Variants in CNNM4 observed in about 807,000 individuals in gnomAD.
CNNM4 encodes cyclin and CBS domain divalent metal cation transport mediator 4, also known as metal transporter CNNM4.
In CNNM4, 32 loss-of-function variants were observed where a neutral mutation model predicts 53.7. The ratio of observed to expected loss-of-function variants is 0.60; its 90% CI spans 0.45 to 0.80. CNNM4 has a LOEUF of 0.80. CNNM4 is among the 30% of genes least tolerant of loss of function. The pLI is 0.00. For synonymous variants in CNNM4, 410 were observed against 440.0 expected (o/e 0.93, Z 0.85); for missense variants, 784 against 1,022.0 (o/e 0.77, Z 3.17).
rs772270872 is a variant in CNNM4, at chr2:96,762,417, G to C, written c.1402+16G>C. The stretch of plus-strand genomic sequence containing the variant: ...TTCAAGAAGGGTAAGGCCAGATGTA[G>C]TTCCCCTGGTTCAATTTCCTCTTGA... On this transcript the variant is annotated intron_variant, in intron 1 of 6. Coordinates refer to ENST00000377075, the MANE Select transcript of CNNM4 (RefSeq NM_020184.4). 6.2e-7 allele frequency: 1 copy of C among 1,610,524 alleles called. No homozygotes were observed. The highest frequency in any genetic ancestry group is 2.2e-5 in the East Asian group (1 of 44,860).
intron 1 of CNNM4, among the ~76,000 whole-genome samples, chr2:96,778,593 T>A (rs2078946412): frequency 6.6e-6 from 1 of 151,936 alleles, no homozygotes; most frequent in African/African-American, 2.4e-5. Context: ...GTATCTTTTT[T>A]TTGTAGCTAT....
At chr2:96,771,763 C>T (rs1004771022) in intron 1 of CNNM4, among the ~76,000 whole-genome samples, 2 of 151,826 alleles carry the variant, frequency 1.3e-5, no homozygotes, top group Admixed American at 6.6e-5. Context: ...CTTTTTGGAA[C>T]ACAGTTTAGA....
intron 1 of CNNM4, among the ~76,000 whole-genome samples, chr2:96,796,578 A>G (rs2079106521): frequency 6.6e-6 from 1 of 152,070 alleles, no homozygotes; most frequent in Non-Finnish European, 1.5e-5. Flanking sequence ...CTTGAGCAAC[A>G]TAGCGAGATC....
intron 1 of CNNM4, among the ~76,000 whole-genome samples, chr2:96,763,179 C>T (rs2078781877): frequency 6.6e-6 from 1 of 152,146 alleles, no homozygotes; most frequent in South Asian, 2.1e-4. Context: ...CGTAAGCTTC[C>T]CTCCAGTGGT....
At chr2:96,791,588 C>CAAAA (rs56887981) in intron 1 of CNNM4, among the ~76,000 whole-genome samples, 2 of 120,086 alleles carry the variant, frequency 1.7e-5, no homozygotes, top group African/African-American at 3.1e-5. Context: ...GACTCCGTCT[C>CAAAA]AAAAAAAAAA....
chr2:96,778,415 G>A (rs2078944641), intron 1 of CNNM4, among the ~76,000 whole-genome samples: 1 of 151,306 alleles, frequency 6.6e-6, no homozygotes, highest in Non-Finnish European at 1.5e-5. Context: ...AAAATTAGCT[G>A]GGCATGGTGG....
chr2:96,784,419 G>T (rs767791156), intron 1 of CNNM4, among the ~76,000 whole-genome samples: 5 of 152,218 alleles, frequency 3.3e-5, no homozygotes, highest in Non-Finnish European at 5.9e-5. Flanking sequence ...AAGAAAGGCT[G>T]GTCATGAGGA....
intron 1 of CNNM4, among the ~76,000 whole-genome samples, chr2:96,764,513 C>T (rs1291486177): frequency 1.3e-5 from 2 of 152,096 alleles, no homozygotes; most frequent in African/African-American, 4.8e-5. Context: ...AATGAACAGG[C>T]CCTGCGGCTT....
At chr2:96,788,058 G>GA (rs2079029712) in intron 1 of CNNM4, among the ~76,000 whole-genome samples, 1 of 152,114 alleles carries the variant, frequency 6.6e-6, no homozygotes, top group Admixed American at 6.5e-5. Flanking sequence ...GAGTAGCTGG[G>GA]ATTACAGGCC....
intron 1 of CNNM4, among the ~76,000 whole-genome samples, chr2:96,764,630 G>A (rs748544070): frequency 1.1e-3 from 161 of 152,250 alleles, no homozygotes; most frequent in Middle Eastern, 3.4e-3. Context: ...TTCCAATCTG[G>A]CGTCCACCTT....
intron 1 of CNNM4, among the ~76,000 whole-genome samples, chr2:96,764,823 TAAAAATACA>T (rs1029656290): frequency 1.8e-4 from 27 of 151,872 alleles, no homozygotes; most frequent in Non-Finnish European, 3.5e-4. Flanking sequence ...CCGTCTCTAC[TAAAAATACA>T]AAAAATTATC....
intron 1 of CNNM4, chr2:96,788,896 T>G (rs2153347649): frequency 6.6e-6 from 1 of 152,408 alleles, no homozygotes; most frequent in African/African-American, 2.4e-5. Flanking sequence ...CTGGAGCTGG[T>G]GAGTAGGGCC....
chr2:96,809,720 A>AG lies in CNNM4; in HGVS notation c.*210dup, dbSNP rs1195042842. On this transcript the variant is annotated 3_prime_UTR_variant, in exon 7 of 7. Coordinates refer to ENST00000377075, the MANE Select transcript of CNNM4 (RefSeq NM_020184.4). ...GAGGTGGCACTGTCCAGCCCTGGAT[A>AG]GGGGGGGCAGTGGGCCAGCTACCGT... is the stretch of plus-strand genomic sequence containing the variant. The AG allele has an allele frequency of 2.7e-5, 14 of 516,944 alleles. No individual in the cohort carries two copies. Among genetic ancestry groups the AG allele is most frequent in the Middle Eastern group, 5.2e-4 (1 of 1,938 alleles). The allele number at this position is 516,944 out of a possible 1,614,324, so 32.0% of individuals were successfully genotyped here.
At chr2:96,793,592 G>C (rs932333593) in intron 1 of CNNM4, among the ~76,000 whole-genome samples, 1 of 152,168 alleles carries the variant, frequency 6.6e-6, no homozygotes, top group African/African-American at 2.4e-5. Context: ...GAGAGGAGGC[G>C]GGGGGCGGAG....
intron 6 of CNNM4, 200 bp from the exon 7 acceptor site, chr2:96,809,120 G>A (rs950496948): frequency 8.4e-7 from 1 of 1,185,480 alleles, no homozygotes; most frequent in African/African-American, 1.5e-5. Flanking sequence ...GGGATTACAG[G>A]TGTGAGCCAC....
chr2:96,803,339 T>G (rs546331403), intron 5 of CNNM4, among the ~76,000 whole-genome samples: 41 of 152,340 alleles, frequency 2.7e-4, no homozygotes, highest in Admixed American at 3.9e-4. Flanking sequence ...TACCATGATA[T>G]AAACTTTTTT....
At chr2:96,762,923 A>T (rs1429523681) in intron 1 of CNNM4, among the ~76,000 whole-genome samples, 1 of 152,106 alleles carries the variant, frequency 6.6e-6, no homozygotes, top group Non-Finnish European at 1.5e-5. Flanking sequence ...TTTGGTGGGT[A>T]TAGTGGCTCT....
In CNNM4 at chr2:96,761,705, C is replaced by A. The variant is rs2078765262; in HGVS notation, c.706C>A (p.Arg236=). ...RRYARKIEPI[R]RKGNYLLCSL... ...CTATGCCCGCAAGATTGAGCCCATC[C>A]GGCGCAAGGGCAACTACCTTCTCTG... Residue 236 remains arginine (R), a synonymous_variant, in exon 1 of 7, where the codon CGG becomes AGG. Coordinates refer to ENST00000377075, the MANE Select transcript of CNNM4 (RefSeq NM_020184.4). The surrounding 1 kb of genome is among the most constrained non-coding windows in gnomAD (Gnocchi z 6.0). 1 of 1,609,696 alleles carries A rather than the reference C, an allele frequency of 6.2e-7. No homozygotes were observed. The highest frequency in any genetic ancestry group is 2.2e-5 in the East Asian group (1 of 44,872).
At chr2:96,783,165 G>T (rs1159709349) in intron 1 of CNNM4, among the ~76,000 whole-genome samples, 6 of 152,228 alleles carry the variant, frequency 3.9e-5, no homozygotes, top group African/African-American at 1.4e-4. Context: ...AGTGAGCTGT[G>T]CCTCTCTGTA....
Sources: gnomAD v4.1 joint callset for allele counts (sites outside exome capture counted in the v4.1 genomes callset) on GRCh38, gnomAD v4.1.1 for gene constraint, Gnocchi (gnomAD v3.1) non-coding constraint, MANE v1.5 for transcripts, NCBI Gene and HGNC (gene_info 2026-07-23, HGNC 2026-07-21) for gene names.